OPRM1: variants seen among roughly 807,000 people sequenced by gnomAD.
OPRM1 encodes the protein mu-type opioid receptor.
In OPRM1, 27 loss-of-function variants were observed where a neutral mutation model predicts 31.8. The observed-to-expected ratio is 0.85, with a 90% CI of 0.63 to 1.17. The LOEUF (loss-of-function observed/expected upper bound fraction) is 1.17, where lower values mean the gene tolerates loss of function less well. Ranked by LOEUF, OPRM1 falls within the 50% of genes most tolerant of loss-of-function variation. The pLI is 0.00. For missense variants in OPRM1, 536 were observed against 511.1 expected (o/e 1.05, Z -0.47); for synonymous variants, 196 against 189.9 (o/e 1.03, Z -0.26).
chr6:154,030,542 AC>A (rs975019099), intron 1 of OPRM1, among the ~76,000 whole-genome samples: 2 of 152,204 alleles, frequency 1.3e-5, no homozygotes, highest in Non-Finnish European at 2.9e-5. Flanking sequence ...CTAAAAAAAA[AC>A]AGAGTAATAG....
At chr6:154,097,729 T>C (rs1011533189) in intron 3 of OPRM1, among the ~76,000 whole-genome samples, 16 of 152,308 alleles carry the variant, frequency 1.1e-4, no homozygotes, top group South Asian at 4.1e-4. Flanking sequence ...TATTGTGATA[T>C]GTGAGAGAAA....
intron 3 of OPRM1, among the ~76,000 whole-genome samples, chr6:154,116,584 C>CAAAAA (rs1293710740): frequency 1.6e-4 from 12 of 72,822 alleles, no homozygotes; most frequent in South Asian, 4.7e-4. Context: ...GACTCTGCCT[C>CAAAAA]AAAAAAAAAA....
chr6:154,226,436 C>G (rs529023899), intron 3 of OPRM1, among the ~76,000 whole-genome samples: 2 of 152,216 alleles, frequency 1.3e-5, no homozygotes, highest in African/African-American at 4.8e-5. Flanking sequence ...AATAATATCA[C>G]TTTCTAGCCA....
Position 154,197,696 on chromosome 6 carries a change from G to A in OPRM1, c.1165-48997G>A, listed in dbSNP as rs899254320. 4.6e-5 allele frequency among the ~76,000 whole-genome samples: 7 copies of A among 152,194 alleles called. No homozygotes were observed. The East Asian group carries it at 1.3e-3, about 29-fold the overall frequency. On this transcript the variant is annotated intron_variant, in intron 3 of 3. Coordinates refer to the OPRM1 transcript ENST00000337049. ...TGGCATTTAGCCAGGAACAAGGACT[G>A]TTGCATCTTCCCATGTCTCTGGCTA...
chr6:154,028,955 A>T (rs1165935210), intron 1 of OPRM1, among the ~76,000 whole-genome samples: 1 of 152,156 alleles, frequency 6.6e-6, no homozygotes, highest in Non-Finnish European at 1.5e-5. Flanking sequence ...TTTGGTTCTT[A>T]TGAGGTACTT....
chr6:154,172,667 G>C (rs143050149), intron 3 of OPRM1, among the ~76,000 whole-genome samples: 386 of 152,358 alleles, frequency 2.5e-3, no homozygotes, highest in Non-Finnish European at 4.5e-3. Flanking sequence ...AGCTCGAACT[G>C]GGCGGAGCCC....
intron 3 of OPRM1, among the ~76,000 whole-genome samples, chr6:154,214,656 T>C (rs1425202181): frequency 1.3e-5 from 2 of 152,234 alleles, no homozygotes; most frequent in African/African-American, 2.4e-5. Context: ...TTACTCTTAA[T>C]AATGTCTTAA....
rs141279542 is a variant in OPRM1, at chr6:154,099,659, G to GTATATACATATATACATATATA, written c.1164+8203_1164+8204insTATATATATATACATATATACA. On this transcript the variant is annotated intron_variant, in intron 3 of 3. Transcript: ENST00000330432. ...TATACACACATATATATACACACAT[G>GTATATACATATATACATATATA]TATATACATATATACACACATATAT... 1.4e-4 allele frequency among the ~76,000 whole-genome samples: 20 copies of GTATATACATATATACATATATA among 143,880 alleles called. No homozygotes were observed. The East Asian group carries it at 3.0e-3, about 21-fold the overall frequency. 94.4% of individuals were successfully genotyped at this position (143,880 alleles called of 152,430 possible). A position where few individuals can be genotyped will look rare whatever the true frequency, so the allele number is the denominator to read the frequency against.
In OPRM1 at chr6:154,122,408, T is replaced by TCTAACCA. The variant is rs144912763; in HGVS notation, c.*3690_*3696dup. ...TCATAAATGCCTGGGCCACTGCAAC[T>TCTAACCA]CTAACCACTGTGTTTCCCCCAGTTT... On this transcript the variant is annotated 3_prime_UTR_variant, in exon 4 of 4. Coordinates refer to ENST00000330432, the MANE Select transcript of OPRM1 (RefSeq NM_000914.5). Among the ~76,000 whole-genome samples the TCTAACCA allele has an allele frequency of 0.017, 2,517 of 152,244 alleles. 60 individuals carry two copies. The highest frequency in any genetic ancestry group is 0.058 in the African/African-American group (2,428 of 41,528).
At chr6:154,149,473 T>C (rs1261605218) in intron 3 of OPRM1, among the ~76,000 whole-genome samples, 7 of 152,122 alleles carry the variant, frequency 4.6e-5, no homozygotes, top group Admixed American at 2.0e-4. Flanking sequence ...CACATGGTGT[T>C]GTTAAAATCG....
intron 3 of OPRM1, among the ~76,000 whole-genome samples, chr6:154,193,999 T>C (rs1776375793): frequency 6.6e-6 from 1 of 152,242 alleles, no homozygotes; most frequent in East Asian, 1.9e-4. Context: ...TACATCATAA[T>C]AAATGTGGTA....
chr6:154,174,744 T>C (rs1385202532), intron 3 of OPRM1, among the ~76,000 whole-genome samples: 1 of 152,072 alleles, frequency 6.6e-6, no homozygotes, highest in East Asian at 1.9e-4. Flanking sequence ...CACCCCACTG[T>C]CAATATTAGA....
chr6:154,024,349 A>G (rs1426123322), intron 1 of OPRM1, among the ~76,000 whole-genome samples: 1 of 151,924 alleles, frequency 6.6e-6, no homozygotes, highest in African/African-American at 2.4e-5. Context: ...GTAGCCACTA[A>G]TTACCTTTGA....
intron 3 of OPRM1, among the ~76,000 whole-genome samples, chr6:154,197,733 G>C (rs1776727823): frequency 6.6e-6 from 1 of 152,156 alleles, no homozygotes; most frequent in Non-Finnish European, 1.5e-5. Flanking sequence ...GGTCCTAAAA[G>C]AAAACCCTCA....
At chr6:154,079,257 A>G (rs1361994516) in intron 1 of OPRM1, among the ~76,000 whole-genome samples, 1 of 152,244 alleles carries the variant, frequency 6.6e-6, no homozygotes, top group Non-Finnish European at 1.5e-5. Context: ...GGGAGTAGAA[A>G]TCTGGCCAAG....
Position 154,096,716 on chromosome 6 carries a change from G to A in OPRM1, c.1164+5244G>A, listed in dbSNP as rs574535613. 2.8e-3 allele frequency among the ~76,000 whole-genome samples: 419 copies of A among 152,208 alleles called. 1 individual carries two copies. Among genetic ancestry groups the A allele is most frequent in the African/African-American group, 9.8e-3 (405 of 41,528 alleles). ...TCATTATATAAGATCAAACAGCCAG[G>A]AAGAGGTAGAATCCAGACAAGCACC... On this transcript the variant is annotated intron_variant, in intron 3 of 3. Coordinates refer to ENST00000330432, the MANE Select transcript of OPRM1 (RefSeq NM_000914.5).
intron 3 of OPRM1, among the ~76,000 whole-genome samples, chr6:154,231,336 G>A (rs766703560): frequency 6.6e-6 from 1 of 152,224 alleles, no homozygotes; most frequent in Non-Finnish European, 1.5e-5. Context: ...TCAACAGAAG[G>A]AAACTGGATA....
At chr6:154,173,450 G>C (rs763890965) in intron 3 of OPRM1, among the ~76,000 whole-genome samples, 12 of 152,178 alleles carry the variant, frequency 7.9e-5, no homozygotes, top group Non-Finnish European at 1.8e-4. Context: ...TGACTAACTA[G>C]AATAGCCAGT....
intron 1 of OPRM1, among the ~76,000 whole-genome samples, chr6:154,047,422 T>A (rs1781333112): frequency 6.6e-6 from 1 of 151,378 alleles, no homozygotes; most frequent in East Asian, 1.9e-4. Context: ...CTGGCAAAGG[T>A]GGAGCGTGGG....
Sources: allele counts gnomAD v4.1 joint callset (sites outside exome capture counted in the v4.1 genomes callset), GRCh38; gene constraint gnomAD v4.1.1; transcripts MANE v1.5; gene names NCBI Gene and HGNC (gene_info 2026-07-23, HGNC 2026-07-21).